The following CIT variants were observed in gnomAD, a reference collection of about 807,000 sequenced individuals.
CIT encodes citron Rho-interacting kinase.
In CIT, 79 loss-of-function variants were observed where a neutral mutation model predicts 272.7. The ratio of observed to expected loss-of-function variants is 0.29; its 90% confidence interval spans 0.24 to 0.35. The LOEUF is 0.35. Ranked by LOEUF, CIT falls within the 10% of genes least tolerant of loss-of-function variation. The pLI is 1.00. For synonymous variants in CIT, 948 were observed against 995.6 expected (o/e 0.95, Z 0.90); for missense variants, 1,909 against 2,618.3 (o/e 0.73, Z 5.91).
chr12:119,869,227 G>C, intron 2 of CIT, 26 bp from the exon 3 acceptor site: 1 of 1,578,886 alleles, frequency 6.3e-7, no homozygotes, highest in Non-Finnish European at 8.6e-7. Flanking sequence ...AGCAGATGGA[G>C]ACACTGTCAA....
At chr12:119,844,114 T>A (rs1969617115) in intron 5 of CIT, among the ~76,000 whole-genome samples, 1 of 150,986 alleles carries the variant, frequency 6.6e-6, no homozygotes, top group South Asian at 2.1e-4. Context: ...CTCCACCTCC[T>A]GGGTTCAAGT....
rs979258642 is a variant in CIT, at chr12:119,686,529, G to C, written c.*1703C>G. The C allele has an allele frequency of 1.3e-5, 2 of 152,308 alleles. No homozygotes were observed. Among genetic ancestry groups the C allele is most frequent in the African/African-American group, 4.8e-5 (2 of 41,422 alleles). 9.4% of individuals were successfully genotyped at this position (152,308 alleles called of 1,614,324 possible). A position where few individuals can be genotyped will look rare whatever the true frequency, so the allele number is the denominator to read the frequency against. Reference sequence around the variant, plus strand: ...TTAAGACACGAGCAGGAAGGAGCTGGGATGCAGGCCAGGTTGCAATCTGGA... The same window carrying C: ...TTAAGACACGAGCAGGAAGGAGCTGCGATGCAGGCCAGGTTGCAATCTGGA... On this transcript the variant is annotated 3_prime_UTR_variant, in exon 48 of 48. Coordinates refer to ENST00000392521, the MANE Select transcript of CIT (RefSeq NM_001206999.2).
chr12:119,824,520 A>G (rs1384244961), intron 8 of CIT, among the ~76,000 whole-genome samples: 6 of 152,220 alleles, frequency 3.9e-5, no homozygotes, highest in Non-Finnish European at 8.8e-5. Context: ...CAGTACATAA[A>G]ATAATGGTGT....
Position 119,687,884 on chromosome 12 carries a change from T to A in CIT, c.*348A>T. The A allele has an allele frequency of 3.5e-6, 1 of 286,756 alleles. No homozygotes were observed. Among genetic ancestry groups the A allele is most frequent in the Non-Finnish European group, 6.4e-6 (1 of 155,898 alleles). The allele number at this position is 286,756 out of a possible 1,614,324, so 17.8% of individuals were successfully genotyped here. A position where few individuals can be genotyped will look rare whatever the true frequency, so the allele number is the denominator to read the frequency against. ...GGATCTTAAAGTAGCTAATTAGGAT[T>A]CTAACCATGTTGTAGTTAGCATCCC... is the stretch of plus-strand genomic sequence containing the variant. On this transcript the variant is annotated 3_prime_UTR_variant, in exon 48 of 48. Transcript: ENST00000392521.
chr12:119,783,054 C>A (rs1434866175), intron 12 of CIT: 1 of 154,276 alleles, frequency 6.5e-6, no homozygotes, highest in Non-Finnish European at 1.4e-5. Context: ...ACTTCATATC[C>A]TCTGCCCAGT....
intron 24 of CIT, among the ~76,000 whole-genome samples, chr12:119,736,388 TA>T (rs922005138): frequency 9.9e-5 from 15 of 151,768 alleles, no homozygotes; most frequent in Non-Finnish European, 1.9e-4. Context: ...ATTATCAATT[TA>T]AAAAAAAATC....
chr12:119,758,755 C>G, intron 20 of CIT, 55 bp from the exon 21 acceptor site: 1 of 1,142,616 alleles, frequency 8.8e-7, no homozygotes, highest in South Asian at 1.2e-5. Flanking sequence ...GTAACAGGGG[C>G]AGTGCGGGCC....
chr12:119,830,245 TG>T, intron 7 of CIT, among the ~76,000 whole-genome samples: 1 of 151,530 alleles, frequency 6.6e-6, no homozygotes, highest in East Asian at 1.9e-4. Flanking sequence ...CTCAAGTGTG[TG>T]GTATAGAGTG....
At chr12:119,722,403 A>T (rs1957848523) in intron 28 of CIT, among the ~76,000 whole-genome samples, 1 of 152,224 alleles carries the variant, frequency 6.6e-6, no homozygotes, top group South Asian at 2.1e-4. Flanking sequence ...GGCCTATGGC[A>T]GCCCCCAAAC....
Position 119,752,129 on chromosome 12 carries a change from AG to A in CIT, c.2824del (p.Leu942TrpfsTer46). 1 of 1,612,954 alleles carries A rather than the reference AG, an allele frequency of 6.2e-7. No homozygotes were observed. The highest frequency in any genetic ancestry group is 8.5e-7 in the Non-Finnish European group (1 of 1,180,002). The part of the protein sequence containing the change: ...LTALQAARAA[L>X]ESQLRQAKTE... ...CTTCGCCTGGCGAAGCTGGCTCTCC[AG>A]GGCCGCCCGTGCAGCCTGCAGGGCT... On this transcript the variant is annotated frameshift_variant, in exon 23 of 48. Coordinates refer to ENST00000392521, the MANE Select transcript of CIT (RefSeq NM_001206999.2). LOFTEE classifies it high-confidence loss of function.
intron 10 of CIT, among the ~76,000 whole-genome samples, chr12:119,788,975 C>A (rs1399845706): frequency 6.6e-6 from 1 of 152,098 alleles, no homozygotes; most frequent in East Asian, 1.9e-4. Flanking sequence ...TAGCAACAAT[C>A]CCATAAACAA....
At chr12:119,838,369 G>A (rs752428767) in intron 5 of CIT, among the ~76,000 whole-genome samples, 43 of 151,992 alleles carry the variant, frequency 2.8e-4, no homozygotes, top group Non-Finnish European at 4.0e-4. Flanking sequence ...CACTGCGCCC[G>A]GCAAGAATTT....
chr12:119,729,275 G>A (rs1432609790), intron 27 of CIT, among the ~76,000 whole-genome samples: 2 of 152,098 alleles, frequency 1.3e-5, no homozygotes, highest in African/African-American at 2.4e-5. Flanking sequence ...CCAGTTTCAG[G>A]GAACTCAGGA....
intron 9 of CIT, among the ~76,000 whole-genome samples, chr12:119,816,919 G>A (rs147706770): frequency 1.5e-3 from 223 of 152,278 alleles, no homozygotes; most frequent in Non-Finnish European, 2.8e-3. Context: ...CAGCGATGCT[G>A]TTCAACATCC....
chr12:119,737,620 A>G (rs1368161055), intron 24 of CIT, among the ~76,000 whole-genome samples: 1 of 152,176 alleles, frequency 6.6e-6, no homozygotes, highest in African/African-American at 2.4e-5. Flanking sequence ...CATTGGAATA[A>G]GAAGGGTCTT....
Position 119,784,863 on chromosome 12 carries a change from C to A in CIT, c.1401+97G>T, listed in dbSNP as rs913294842. 1 of 1,518,010 alleles carries A rather than the reference C, an allele frequency of 6.6e-7. No homozygotes were observed. Among genetic ancestry groups the A allele is most frequent in the Non-Finnish European group, 8.8e-7 (1 of 1,132,738 alleles). The allele number at this position is 1,518,010 out of a possible 1,614,324, so 94.0% of individuals were successfully genotyped here. ...AGCGCCTCACTCTCTACGGATCAGG[C>A]GGCTCAGAGCCAGCAGCGGCCCCGG... On this transcript the variant is annotated intron_variant, in intron 11 of 47. Transcript: ENST00000392521. The surrounding 1 kb of genome is among the most constrained non-coding windows in gnomAD (Gnocchi z 4.7).
At chr12:119,787,761 T>TAAAA (rs35262272) in intron 10 of CIT, among the ~76,000 whole-genome samples, 2 of 137,992 alleles carry the variant, frequency 1.4e-5, no homozygotes, top group African/African-American at 2.7e-5. Context: ...CAAATAAATT[T>TAAAA]AAAAAAAAAA....
rs910528431 is a variant in CIT at position 119,784,579 on chromosome 12, G to A, written c.1401+381C>T. On this transcript the variant is annotated intron_variant, in intron 11 of 47. Transcript: ENST00000392521. The surrounding 1 kb of genome is among the most constrained non-coding windows in gnomAD (Gnocchi z 4.7). ...GTTGAGCGTAATCAACACAGTGGCC[G>A]CAGTGACATAAGCAGGAGTTTTAAA... 16 of 1,169,318 alleles carry A rather than the reference G, an allele frequency of 1.4e-5. No individual in the cohort carries two copies. Among genetic ancestry groups the A allele is most frequent in the Middle Eastern group, 7.7e-4 (2 of 2,612 alleles). The allele number at this position is 1,169,318 out of a possible 1,614,324, so 72.4% of individuals were successfully genotyped here. A position where few individuals can be genotyped will look rare whatever the true frequency, so the allele number is the denominator to read the frequency against.
In CIT at chr12:119,707,806, T is replaced by C. The variant is rs185431338; in HGVS notation, c.5211+373A>G. On this transcript the variant is annotated intron_variant, in intron 40 of 47. Transcript: ENST00000392521. ...TGAGCCACCGCGCCCGGCCAGGCCA[T>C]TGCAATCTTACACAAAAAATACTTC... Among the ~76,000 whole-genome samples, 155 of 152,312 alleles carry C rather than the reference T, an allele frequency of 1.0e-3. 1 individual carries two copies. Among genetic ancestry groups the C allele is most frequent in the African/African-American group, 3.4e-3 (142 of 41,546 alleles).
Sources: gnomAD v4.1 joint callset for allele counts (sites outside exome capture counted in the v4.1 genomes callset) on GRCh38, gnomAD v4.1.1 for gene constraint, Gnocchi (gnomAD v3.1) non-coding constraint, MANE v1.5 for transcripts, NCBI Gene and HGNC (gene_info 2026-07-23, HGNC 2026-07-21) for gene names.